SLC2A14: variants seen among roughly 807,000 people sequenced by gnomAD.
SLC2A14 encodes the protein solute carrier family 2, facilitated glucose transporter member 14.
In SLC2A14, 13 loss-of-function variants were observed where a neutral mutation model predicts 43.0. That is an observed-to-expected ratio of 0.30 (90% CI 0.20 to 0.48). The LOEUF (loss-of-function observed/expected upper bound fraction) is 0.48. Ranked by LOEUF, SLC2A14 falls within the 20% of genes least tolerant of loss-of-function variation. The pLI, the probability that SLC2A14 is intolerant of heterozygous loss-of-function variation, is 0.99. For missense variants in SLC2A14, 428 were observed against 620.4 expected, an observed-to-expected ratio of 0.69 and a Z score of 3.29; for synonymous variants, 190 against 233.8, an observed-to-expected ratio of 0.81 and a Z score of 1.71.
At chr12:7,817,744 A>T in intron 10 of SLC2A14, 87 bp downstream of exon 10, 1 of 1,206,144 alleles carries the variant, frequency 8.3e-7, no homozygotes, top group African/African-American at 1.7e-5. Flanking sequence ...TCAAAAATAT[A>T]TATATATATA....
intron 1 of SLC2A14, chr12:7,871,068 G>A: frequency 1.4e-6 from 2 of 1,397,796 alleles, no homozygotes; most frequent in Non-Finnish European, 1.9e-6. Context: ...AATACCTGCA[G>A]GGCATGATGA....
Position 7,812,557 on chromosome 12 carries a change from A to C in SLC2A14, c.*1759T>G, listed in dbSNP as rs1338123020. The C allele has an allele frequency of 2.0e-5, 3 of 152,218 alleles. No individual in the cohort carries two copies. The East Asian group carries it at 5.8e-4, about 29-fold the overall frequency. The allele number at this position is 152,218 out of a possible 1,614,324, so 9.4% of individuals were successfully genotyped here. On this transcript the variant is annotated 3_prime_UTR_variant, in exon 11 of 11. Coordinates refer to ENST00000431042, the MANE Select transcript of SLC2A14 (RefSeq NM_001286234.2). ...TTTATTTTAAAACAAAGAATCAAAC[A>C]AACAATAATGGAAAATCCATATGGA...
intron 7 of SLC2A14, among the ~76,000 whole-genome samples, chr12:7,822,990 C>T (rs915050120): frequency 3.3e-5 from 5 of 152,134 alleles, no homozygotes; most frequent in Admixed American, 3.3e-4. Flanking sequence ...GGCCTAGGCC[C>T]TTTTGAAGTG....
chr12:7,880,278 C>A (rs747757805), intron 1 of SLC2A14, among the ~76,000 whole-genome samples: 3 of 151,932 alleles, frequency 2.0e-5, no homozygotes, highest in African/African-American at 7.2e-5. Context: ...CTAGCCTGGG[C>A]AACAAGAGCA....
At chr12:7,863,262 T>C in intron 2 of SLC2A14, 1 of 392,864 alleles carries the variant, frequency 2.5e-6, no homozygotes, top group Non-Finnish European at 5.1e-6. Context: ...GCTTCACTCC[T>C]GAGCCAGCAA....
intron 4 of SLC2A14, among the ~76,000 whole-genome samples, chr12:7,830,521 A>G (rs1387713942): frequency 6.6e-6 from 1 of 152,078 alleles, no homozygotes; most frequent in East Asian, 1.9e-4. Flanking sequence ...TGGTAGTCCC[A>G]GCTACTCAGG....
chr12:7,885,232 C>T (rs759808784), intron 1 of SLC2A14, among the ~76,000 whole-genome samples: 23 of 152,112 alleles, frequency 1.5e-4, no homozygotes, highest in African/African-American at 4.1e-4. Flanking sequence ...TTCGGGAGGC[C>T]GAGGCGGGCA....
At chr12:7,830,158 T>G in intron 4 of SLC2A14, 152 bp from the exon 5 acceptor site, 1 of 1,348 alleles carries the variant, frequency 7.4e-4, no homozygotes, top group Non-Finnish European at 2.1e-3. Flanking sequence ...CTTTTCTTTC[T>G]TTTTTTTTTT....
intron 2 of SLC2A14, among the ~76,000 whole-genome samples, chr12:7,833,402 G>A (rs1865193148): frequency 6.6e-6 from 1 of 152,162 alleles, no homozygotes; most frequent in Non-Finnish European, 1.5e-5. Context: ...ATTAAATACT[G>A]TTCTGCTATC....
At chr12:7,834,594 T>TA (rs1865292468) in intron 2 of SLC2A14, among the ~76,000 whole-genome samples, 2 of 140,742 alleles carry the variant, frequency 1.4e-5, no homozygotes, top group Non-Finnish European at 1.5e-5. Flanking sequence ...CTGGGTATGG[T>TA]AATGGCAGGT....
chr12:7,826,869 C>T (rs1323134127), intron 7 of SLC2A14, among the ~76,000 whole-genome samples: 574 of 33,978 alleles, frequency 0.017, 46 homozygotes, highest in Non-Finnish European at 0.025. Context: ...TTTTTTCTTT[C>T]TTTCTTTCTT....
upstream of SLC2A14, among the ~76,000 whole-genome samples, chr12:7,874,948 A>ATAT: frequency 7.0e-5 from 1 of 14,282 alleles, no homozygotes; most frequent in Non-Finnish European, 1.6e-4. Flanking sequence ...TTATATATAA[A>ATAT]TATATTTATA....
At chr12:7,822,067 G>A (rs1375082190) in intron 7 of SLC2A14, among the ~76,000 whole-genome samples, 1 of 151,102 alleles carries the variant, frequency 6.6e-6, no homozygotes. Flanking sequence ...CTCATGATCC[G>A]CCCGCCTCGG....
chr12:7,856,839 ATTT>A (rs200793187), intron 2 of SLC2A14, among the ~76,000 whole-genome samples: 3 of 146,196 alleles, frequency 2.1e-5, no homozygotes, highest in Non-Finnish European at 4.5e-5. Flanking sequence ...ATGAATGCTA[ATTT>A]TTTTTTTTTT....
At chr12:7,876,304 A>G (rs1403629430), upstream of SLC2A14, among the ~76,000 whole-genome samples, 40 of 145,808 alleles carry the variant, frequency 2.7e-4, 1 homozygote, top group Admixed American at 1.7e-3. Context: ...AAAAAAAAAA[A>G]GAGAGACAAC....
chr12:7,880,610 C>T (rs764440728), intron 1 of SLC2A14, among the ~76,000 whole-genome samples: 2 of 148,290 alleles, frequency 1.3e-5, no homozygotes, highest in South Asian at 4.2e-4. Context: ...GGATGGATCA[C>T]GAGGTCAGGA....
chr12:7,867,299 A>T, intron 2 of SLC2A14, among the ~76,000 whole-genome samples: 1 of 71,766 alleles, frequency 1.4e-5, no homozygotes, highest in South Asian at 5.0e-4. Context: ...AAAAAAAAAA[A>T]ACAAAAAAAA....
At position 7,834,124 on chromosome 12, in the gene SLC2A14, A is replaced by T. The variant is rs193038173; in HGVS notation, c.19-1310T>A. Among the ~76,000 whole-genome samples the T allele has an allele frequency of 2.9e-3, 443 of 152,178 alleles. 3 individuals are homozygous for T. The highest frequency in any genetic ancestry group is 0.01 in the African/African-American group (420 of 41,528). On this transcript the variant is annotated intron_variant, in intron 2 of 10. Transcript: ENST00000431042. ...CCCTGCCAGTACAATGCTCTCTGTT[A>T]AATCTTTTTCTTTTTAGTAAAAGTC... is the stretch of plus-strand genomic sequence containing the variant.
chr12:7,831,046 C>G (rs1222819610), intron 4 of SLC2A14, among the ~76,000 whole-genome samples: 1 of 151,114 alleles, frequency 6.6e-6, no homozygotes, highest in African/African-American at 2.4e-5. Context: ...ATTACTTGAA[C>G]CCGGGAGGCA....
Sources: allele counts gnomAD v4.1 joint callset (sites outside exome capture counted in the v4.1 genomes callset), GRCh38; gene constraint gnomAD v4.1.1; transcripts MANE v1.5; gene names NCBI Gene and HGNC (gene_info 2026-07-23, HGNC 2026-07-21).